EBF1: variants seen among roughly 807,000 people sequenced by gnomAD.
EBF1 encodes the protein transcription factor COE1.
A neutral mutation model predicts 68.4 loss-of-function variants in EBF1; 10 were observed. The ratio of observed to expected loss-of-function variants is 0.15; its 90% CI spans 0.09 to 0.25. The LOEUF is 0.25. EBF1 is among the 10% of genes least tolerant of loss of function. The pLI, the probability that EBF1 is intolerant of heterozygous loss-of-function variation, is 1.00. For missense variants in EBF1, 509 were observed against 794.4 expected (o/e 0.64, Z 4.32); for synonymous variants, 298 against 299.8 (o/e 0.99, Z 0.06).
At chr5:158,793,249 T>G (rs1361048765) in intron 9 of EBF1, among the ~76,000 whole-genome samples, 1 of 152,208 alleles carries the variant, frequency 6.6e-6, no homozygotes, top group Non-Finnish European at 1.5e-5. Flanking sequence ...GAATGTTAGC[T>G]AATATTAGTC....
chr5:158,915,661 G>T (rs958412296), intron 6 of EBF1, among the ~76,000 whole-genome samples: 1 of 152,164 alleles, frequency 6.6e-6, no homozygotes, highest in South Asian at 2.1e-4. Flanking sequence ...AGAAACAGAT[G>T]CCTGTTGCCT....
rs922850744 is a variant in EBF1, at chr5:158,697,232, A to T, written c.*1879T>A. ...CAAAGCAAAGGATACATTTTTTTTTAAATCTACTGAACTAAATACTACAAG... is the reference window on the plus strand; with the variant it reads ...CAAAGCAAAGGATACATTTTTTTTTTAATCTACTGAACTAAATACTACAAG... On this transcript the variant is annotated 3_prime_UTR_variant, in exon 16 of 16. Coordinates refer to ENST00000313708, the MANE Select transcript of EBF1 (RefSeq NM_024007.5). The T allele has an allele frequency of 4.2e-5, 8 of 191,684 alleles. No individual in the cohort carries two copies. The highest frequency in any genetic ancestry group is 1.9e-4 in the South Asian group (1 of 5,144). 11.9% of individuals were successfully genotyped at this position (191,684 alleles called of 1,614,324 possible).
At chr5:158,969,920 A>AAAGAAATAAAG (rs1554094009) in intron 6 of EBF1, among the ~76,000 whole-genome samples, 1 of 68,630 alleles carries the variant, frequency 1.5e-5, no homozygotes, top group Non-Finnish European at 3.3e-5. Flanking sequence ...AAGAAAGAAA[A>AAAGAAATAAAG]AAAAAAAAAA....
At chr5:158,766,594 A>T (rs905963503) in intron 10 of EBF1, among the ~76,000 whole-genome samples, 3 of 152,174 alleles carry the variant, frequency 2.0e-5, no homozygotes, top group Non-Finnish European at 2.9e-5. Context: ...AAAAAGGGAG[A>T]ACACCAAATA....
intron 8 of EBF1, among the ~76,000 whole-genome samples, chr5:158,800,029 A>G (rs1031047940): frequency 1.3e-5 from 2 of 152,136 alleles, no homozygotes; most frequent in Non-Finnish European, 2.9e-5. Flanking sequence ...TTGTGGCTAA[A>G]ACTATAGGTA....
intron 6 of EBF1, among the ~76,000 whole-genome samples, chr5:158,982,779 G>C (rs544794395): frequency 7.5e-6 from 1 of 132,468 alleles, no homozygotes; most frequent in South Asian, 3.0e-4. Context: ...TAAAGCAAAA[G>C]ATATATATAT....
At chr5:158,782,598 T>C (rs1776650044) in intron 9 of EBF1, among the ~76,000 whole-genome samples, 1 of 152,034 alleles carries the variant, frequency 6.6e-6, no homozygotes, top group Non-Finnish European at 1.5e-5. Context: ...GAAGTCGAGG[T>C]TGCAGTAAGT....
intron 6 of EBF1, among the ~76,000 whole-genome samples, chr5:159,021,496 C>T (rs1264819609): frequency 6.6e-6 from 1 of 152,186 alleles, no homozygotes; most frequent in Non-Finnish European, 1.5e-5. Flanking sequence ...CTTCTGGGTC[C>T]ACCTGTGCCT....
rs1402471674 is a variant in EBF1, at chr5:158,777,349, G to T, written c.1036+64C>A. The T allele has an allele frequency of 2.0e-5, 29 of 1,466,490 alleles. 1 individual carries two copies. The South Asian group carries it at 4.5e-4, about 23-fold the overall frequency. 90.8% of individuals were successfully genotyped at this position (1,466,490 alleles called of 1,614,324 possible). The stretch of plus-strand genomic sequence containing the variant: ...AAAATACATGCTTTTATACAGACAA[G>T]ATAAGGGGAAAGACCCCACAAGACC... On this transcript the variant is annotated intron_variant, in intron 10 of 15. Transcript: ENST00000313708.
chr5:158,877,536 C>T (rs1199750211), intron 6 of EBF1, among the ~76,000 whole-genome samples: 1 of 152,160 alleles, frequency 6.6e-6, no homozygotes, highest in East Asian at 1.9e-4. Context: ...GCCCTTTAGG[C>T]ACCCAGGCAA....
At chr5:158,986,701 G>A (rs1206485568) in intron 6 of EBF1, among the ~76,000 whole-genome samples, 1 of 152,196 alleles carries the variant, frequency 6.6e-6, no homozygotes, top group East Asian at 1.9e-4. Flanking sequence ...CAGTTGTGAG[G>A]TTGGGGGAAG....
intron 6 of EBF1, among the ~76,000 whole-genome samples, chr5:158,935,892 G>A (rs1811911005): frequency 6.6e-6 from 1 of 152,218 alleles, no homozygotes; most frequent in Admixed American, 6.5e-5. Context: ...ATAAGTAGAT[G>A]ATTCATATTT....
intron 11 of EBF1, among the ~76,000 whole-genome samples, chr5:158,729,958 C>T (rs1477466293): frequency 6.6e-6 from 1 of 152,188 alleles, no homozygotes; most frequent in African/African-American, 2.4e-5. Context: ...GCCCTGCCTA[C>T]AAGGGCAGCC....
intron 10 of EBF1, among the ~76,000 whole-genome samples, chr5:158,769,012 T>G (rs570483235): frequency 6.6e-6 from 1 of 152,170 alleles, no homozygotes; most frequent in Non-Finnish European, 1.5e-5. Flanking sequence ...TTCCTACTTT[T>G]ATTGTTAATA....
At chr5:159,042,399 C>T (rs930027643) in intron 6 of EBF1, among the ~76,000 whole-genome samples, 3 of 152,214 alleles carry the variant, frequency 2.0e-5, no homozygotes, top group Non-Finnish European at 4.4e-5. Context: ...CCGAAGCCAG[C>T]CTTTCTCTTG....
intron 6 of EBF1, among the ~76,000 whole-genome samples, chr5:158,904,332 C>T (rs1056631920): frequency 6.6e-6 from 1 of 152,210 alleles, no homozygotes; most frequent in Non-Finnish European, 1.5e-5. Flanking sequence ...TTCCCAGCCA[C>T]GTGTGCTGCC....
chr5:158,743,973 C>T (rs955080038), intron 10 of EBF1, among the ~76,000 whole-genome samples: 1 of 152,030 alleles, frequency 6.6e-6, no homozygotes, highest in African/African-American at 2.4e-5. Flanking sequence ...GAGTTCAAGA[C>T]CAGCCTGGCT....
intron 6 of EBF1, among the ~76,000 whole-genome samples, chr5:159,010,758 C>A (rs1417828067): frequency 6.6e-6 from 1 of 152,190 alleles, no homozygotes; most frequent in Non-Finnish European, 1.5e-5. Flanking sequence ...CAGGGAAACG[C>A]ATAAGGCTGG....
rs552541462 is a variant in EBF1, at chr5:158,962,837, G to A, written c.554+110559C>T. Among the ~76,000 whole-genome samples, 4 of 152,138 alleles carry A rather than the reference G, an allele frequency of 2.6e-5. No individual in the cohort carries two copies. The South Asian group carries it at 6.2e-4, about 24-fold the overall frequency. ...AAGGATGGGGTTTTATCAGATCGTG[G>A]GTAAGTTTCATACTGACTCAAAAGG... On this transcript the variant is annotated intron_variant, in intron 6 of 15. Coordinates refer to ENST00000313708, the MANE Select transcript of EBF1 (RefSeq NM_024007.5).
Sources: allele counts gnomAD v4.1 joint callset (sites outside exome capture counted in the v4.1 genomes callset), GRCh38; gene constraint gnomAD v4.1.1; transcripts MANE v1.5; gene names NCBI Gene and HGNC (gene_info 2026-07-23, HGNC 2026-07-21).